STXBP5: variants seen among roughly 807,000 people sequenced by gnomAD.
STXBP5 encodes the protein syntaxin binding protein 5, also known as syntaxin-binding protein 5.
Under a neutral mutation model 152.4 loss-of-function variants are expected in STXBP5, and 50 were observed. The ratio of observed to expected loss-of-function variants is 0.33; its 90% CI spans 0.26 to 0.42. The LOEUF (loss-of-function observed/expected upper bound fraction) is 0.42. Among genes scored for constraint, STXBP5 ranks in the 10% least tolerant of loss-of-function variants. The probability of loss-of-function intolerance (pLI) is 1.00; values close to 1 mark genes in which losing one functional copy is unlikely to be tolerated. For missense variants in STXBP5, 1,167 were observed against 1,388.6 expected (o/e 0.84, Z 2.54); for synonymous variants, 492 against 494.7 (o/e 0.99, Z 0.07).
intron 21 of STXBP5, among the ~76,000 whole-genome samples, chr6:147,347,879 G>A (rs971845244): frequency 6.6e-6 from 1 of 152,074 alleles, no homozygotes; most frequent in African/African-American, 2.4e-5. Flanking sequence ...ATTTATTAGT[G>A]GCTATCTCTA....
Position 147,205,955 on chromosome 6 carries a change from A to G in STXBP5, c.151-16A>G. 6.2e-7 allele frequency: 1 copy of G among 1,607,206 alleles called. No homozygotes were observed. The highest frequency in any genetic ancestry group is 8.5e-7 in the Non-Finnish European group (1 of 1,175,168). ...TTGCTGCCTTGGTTGCTGTGATGTCACTTGCCCATCCCTAGACTGTTCGCC... is the reference window on the plus strand; with the variant it reads ...TTGCTGCCTTGGTTGCTGTGATGTCGCTTGCCCATCCCTAGACTGTTCGCC... On this transcript the variant is annotated splice_polypyrimidine_tract_variant and intron_variant, in intron 1 of 27. Coordinates refer to ENST00000321680, the MANE Select transcript of STXBP5 (RefSeq NM_001127715.4).
intron 22 of STXBP5, among the ~76,000 whole-genome samples, chr6:147,358,431 G>A (rs559866296): frequency 2.0e-5 from 3 of 152,248 alleles, no homozygotes; most frequent in African/African-American, 4.8e-5. Flanking sequence ...TCATCGGGAG[G>A]CACCCGGTTC....
rs936170300 is a variant in STXBP5 at position 147,331,824 on chromosome 6, A to C, written c.2081-2333A>C. On this transcript the variant is annotated intron_variant, in intron 18 of 27. Coordinates refer to ENST00000321680, the MANE Select transcript of STXBP5 (RefSeq NM_001127715.4). ...ACCAGTTAAAAAAAAAAAAAAAAAAAAAACACACAAAACTCTAAGAGTGGC... is the reference window on the plus strand; with the variant it reads ...ACCAGTTAAAAAAAAAAAAAAAAAACAAACACACAAAACTCTAAGAGTGGC... 1.6e-4 allele frequency among the ~76,000 whole-genome samples: 24 copies of C among 151,628 alleles called. No homozygotes were observed. In the East Asian group the frequency reaches 4.4e-3, roughly 28 times the overall value.
intron 4 of STXBP5, among the ~76,000 whole-genome samples, chr6:147,259,780 C>T (rs1375498427): frequency 6.6e-6 from 1 of 151,040 alleles, no homozygotes; most frequent in African/African-American, 2.4e-5. Flanking sequence ...TCACAAGATA[C>T]CTTTTTTTTT....
chr6:147,311,313 A>T lies in STXBP5; in HGVS notation c.1073-142A>T, dbSNP rs910605205. On this transcript the variant is annotated intron_variant, in intron 10 of 27. Transcript: ENST00000321680. Reference sequence around the variant, plus strand: ...ATCTCATAAAACTTACTAGCCTTAAATAACATGCATGAAGTATCATAGGAT... The same window carrying T: ...ATCTCATAAAACTTACTAGCCTTAATTAACATGCATGAAGTATCATAGGAT... 21 of 699,048 alleles carry T rather than the reference A, an allele frequency of 3.0e-5. 1 individual carries two copies. In the South Asian group the frequency reaches 3.7e-4, roughly 12 times the overall value. 43.3% of individuals were successfully genotyped at this position (699,048 alleles called of 1,614,324 possible). A position where few individuals can be genotyped will look rare whatever the true frequency, so the allele number is the denominator to read the frequency against.
At chr6:147,213,481 C>CGT (rs1562412481) in intron 2 of STXBP5, among the ~76,000 whole-genome samples, 4 of 116,640 alleles carry the variant, frequency 3.4e-5, no homozygotes, top group Admixed American at 8.1e-5. Flanking sequence ...TGTGTGTGCG[C>CGT]GCGCATATAT....
At chr6:147,238,514 A>C (rs149571366) in intron 3 of STXBP5, among the ~76,000 whole-genome samples, 40 of 152,322 alleles carry the variant, frequency 2.6e-4, no homozygotes, top group African/African-American at 9.4e-4. Context: ...CGTCTAAACC[A>C]TAGCACTCTG....
intron 4 of STXBP5, among the ~76,000 whole-genome samples, chr6:147,243,931 G>A (rs571832059): frequency 1.4e-4 from 21 of 151,764 alleles, no homozygotes; most frequent in African/African-American, 4.6e-4. Context: ...TCTATTTCTG[G>A]TTGTCTATTC....
At chr6:147,206,332 G>A (rs961299504) in intron 2 of STXBP5, among the ~76,000 whole-genome samples, 1 of 152,094 alleles carries the variant, frequency 6.6e-6, no homozygotes, top group African/African-American at 2.4e-5. Flanking sequence ...TTATTTGTAA[G>A]GAGATAGAAG....
intron 8 of STXBP5, among the ~76,000 whole-genome samples, chr6:147,288,634 A>G (rs1348353528): frequency 6.6e-6 from 1 of 152,182 alleles, no homozygotes; most frequent in Non-Finnish European, 1.5e-5. Flanking sequence ...GGTGGCATAT[A>G]TCTGAGTTAC....
At chr6:147,338,147 A>G (rs1408397268) in intron 19 of STXBP5, among the ~76,000 whole-genome samples, 1 of 152,142 alleles carries the variant, frequency 6.6e-6, no homozygotes, top group Non-Finnish European at 1.5e-5. Flanking sequence ...TTATGAATTC[A>G]GCAGATACTT....
chr6:147,301,100 A>G (rs1781790944), intron 9 of STXBP5, among the ~76,000 whole-genome samples: 1 of 152,114 alleles, frequency 6.6e-6, no homozygotes, highest in Non-Finnish European at 1.5e-5. Context: ...CCACAATAAG[A>G]TATCACCTCA....
rs1786319787 is a variant in STXBP5 at position 147,385,978 on chromosome 6, AAAAG to A, written c.*1228_*1231del. On this transcript the variant is annotated 3_prime_UTR_variant, in exon 28 of 28. Coordinates refer to ENST00000321680, the MANE Select transcript of STXBP5 (RefSeq NM_001127715.4). Reference sequence around the variant, plus strand: ...ATCCTTTCAAGGTTTTAAAAAACCAAAAAGAAAGGAAAATATGTACACTGTGATA... The same window carrying A: ...ATCCTTTCAAGGTTTTAAAAAACCAAAAAGGAAAATATGTACACTGTGATA... 6.6e-6 allele frequency: 1 copy of A among 152,114 alleles called. No homozygotes were observed. The highest frequency in any genetic ancestry group is 6.6e-5 in the Admixed American group (1 of 15,244). The allele number at this position is 152,114 out of a possible 1,614,324, so 9.4% of individuals were successfully genotyped here. A position where few individuals can be genotyped will look rare whatever the true frequency, so the allele number is the denominator to read the frequency against.
intron 16 of STXBP5, among the ~76,000 whole-genome samples, chr6:147,323,076 CTGAT>C (rs567284886): frequency 3.2e-4 from 46 of 144,366 alleles, no homozygotes; most frequent in African/African-American, 1.1e-3. Flanking sequence ...TTCCTTCTGT[CTGAT>C]TGTACATTCA....
chr6:147,365,124 ATGT>A (rs1396747415), intron 25 of STXBP5, among the ~76,000 whole-genome samples: 1 of 152,194 alleles, frequency 6.6e-6, no homozygotes, highest in Non-Finnish European at 1.5e-5. Flanking sequence ...TAAATGTCAG[ATGT>A]TGTTGTCCTC....
At position 147,373,758 on chromosome 6, in the gene STXBP5, G is replaced by A; in HGVS notation, c.3109G>A (p.Val1037Ile). The stretch of plus-strand genomic sequence containing the variant: ...AATGTTGGGTGAACTCTTCACTCCT[G>A]TAGAAACACCTGAAGCACCAAACAG... ...QEMLGELFTP[V>I]ETPEAPNRGF... Residue 1037 changes from valine (V) to isoleucine (I), a missense_variant, in exon 26 of 28, where the codon GTA (valine) becomes ATA (isoleucine). Transcript: ENST00000321680. The A allele has an allele frequency of 6.2e-7, 1 of 1,613,754 alleles. No homozygotes were observed. Among genetic ancestry groups the A allele is most frequent in the Non-Finnish European group, 8.5e-7 (1 of 1,179,798 alleles).
chr6:147,316,187 A>G, intron 15 of STXBP5, 42 bp from the exon 16 acceptor site: 6 of 1,576,072 alleles, frequency 3.8e-6, no homozygotes, highest in Non-Finnish European at 5.2e-6. Context: ...AAAATGAGCA[A>G]TAATTATTAG....
chr6:147,318,530 T>G (rs759455104), intron 16 of STXBP5, among the ~76,000 whole-genome samples: 1 of 152,204 alleles, frequency 6.6e-6, no homozygotes, highest in Admixed American at 6.5e-5. Context: ...GATTATGGTA[T>G]GGCCATCTTT....
intron 25 of STXBP5, among the ~76,000 whole-genome samples, chr6:147,364,381 A>AATCCAT (rs1374204812): frequency 6.6e-6 from 1 of 152,192 alleles, no homozygotes; most frequent in Non-Finnish European, 1.5e-5. Context: ...TCATCTTACT[A>AATCCAT]ATCCATATCG....
Sources: gnomAD v4.1 joint callset for allele counts (sites outside exome capture counted in the v4.1 genomes callset) on GRCh38, gnomAD v4.1.1 for gene constraint, MANE v1.5 for transcripts, NCBI Gene and HGNC (gene_info 2026-07-23, HGNC 2026-07-21) for gene names.